FBXL16: variants seen among roughly 807,000 people sequenced by gnomAD.
FBXL16 encodes the protein F-box/LRR-repeat protein 16.
In FBXL16, 7 loss-of-function variants were observed where a neutral mutation model predicts 36.7. The observed-to-expected ratio is 0.19, with a 90% confidence interval of 0.11 to 0.36. FBXL16 has a LOEUF of 0.36. Among genes scored for constraint, FBXL16 ranks in the 10% least tolerant of loss-of-function variants. The pLI is 1.00. For synonymous variants in FBXL16, 355 were observed against 308.7 expected, an observed-to-expected ratio of 1.15 and a Z score of -1.57; for missense variants, 463 against 659.4, an observed-to-expected ratio of 0.70 and a Z score of 3.26.
At chr16:700,365 C>T (rs1286672868) in intron 1 of FBXL16, among the ~76,000 whole-genome samples, 5 of 152,200 alleles carry the variant, frequency 3.3e-5, no homozygotes, top group African/African-American at 1.2e-4. Flanking sequence ...CACCCACAGC[C>T]GGTGACCCCC....
intron 1 of FBXL16, among the ~76,000 whole-genome samples, chr16:703,214 C>A (rs1158084330): frequency 6.6e-6 from 1 of 152,188 alleles, no homozygotes; most frequent in African/African-American, 2.4e-5. Context: ...TGCCCTCATC[C>A]TGCAGGGTCC....
Position 695,397 on chromosome 16 carries a change from C to T in FBXL16, c.1142+18G>A. On this transcript the variant is annotated intron_variant, in intron 3 of 5. Coordinates refer to ENST00000397621, the MANE Select transcript of FBXL16 (RefSeq NM_153350.4). Reference sequence around the variant, plus strand: ...CCGCCCGGCCCAGCCCCGCCCGGCGCGGCCCGGGGGCGCGCACCTGTCGAG... The same window carrying T: ...CCGCCCGGCCCAGCCCCGCCCGGCGTGGCCCGGGGGCGCGCACCTGTCGAG... 6.6e-7 allele frequency: 1 copy of T among 1,509,000 alleles called. No individual in the cohort carries two copies. Among genetic ancestry groups the T allele is most frequent in the Non-Finnish European group, 8.8e-7 (1 of 1,132,018 alleles). 93.5% of individuals were successfully genotyped at this position (1,509,000 alleles called of 1,614,324 possible). A position where few individuals can be genotyped will look rare whatever the true frequency, so the allele number is the denominator to read the frequency against.
intron 1 of FBXL16, among the ~76,000 whole-genome samples, chr16:698,980 T>C (rs2040037091): frequency 6.9e-6 from 1 of 145,304 alleles, no homozygotes; most frequent in Non-Finnish European, 1.5e-5. Flanking sequence ...GAAAAAAGAA[T>C]CCATGCAAAG....
At position 697,929 on chromosome 16, in the gene FBXL16, G is replaced by A. The variant is rs986150385; in HGVS notation, c.-14-510C>T. Among the ~76,000 whole-genome samples, 1 of 151,932 alleles carries A rather than the reference G, an allele frequency of 6.6e-6. No individual in the cohort carries two copies. The highest frequency in any genetic ancestry group is 1.5e-5 in the Non-Finnish European group (1 of 67,972). Reference sequence around the variant, plus strand: ...GCAGGAGAATGACGTGAACCCGGGAGGCGGAGCTTGCAGTGAGCCGAGATT... The same window carrying A: ...GCAGGAGAATGACGTGAACCCGGGAAGCGGAGCTTGCAGTGAGCCGAGATT... On this transcript the variant is annotated intron_variant, in intron 1 of 5. Transcript: ENST00000397621. This position sits in a 1 kb window ranked among gnomAD's most constrained non-coding sequence, Gnocchi z 4.6.
rs141256864 is a variant in FBXL16, at chr16:702,304, C to T, written c.-15+3208G>A. On this transcript the variant is annotated intron_variant, in intron 1 of 5. Coordinates refer to ENST00000397621, the MANE Select transcript of FBXL16 (RefSeq NM_153350.4). ...CCTGGCAGGGTTTCCCTGCCTTAGC[C>T]CTGCAAGCTCTTCTCCTCCATCCCT... Among the ~76,000 whole-genome samples the T allele has an allele frequency of 3.8e-3, 575 of 152,248 alleles. 3 individuals carry two copies. Among genetic ancestry groups the T allele is most frequent in the African/African-American group, 0.013 (535 of 41,516 alleles).
At chr16:695,283 G>T (rs966198924) in intron 3 of FBXL16, 132 bp downstream of exon 3, 1 of 1,178,194 alleles carries the variant, frequency 8.5e-7, no homozygotes, top group Non-Finnish European at 1.1e-6. Context: ...GGCTCCGAGG[G>T]CTCTGCCCGC....
chr16:694,899 C>T lies in FBXL16; in HGVS notation c.1227+93G>A. 2.2e-6 allele frequency: 3 copies of T among 1,380,786 alleles called. No homozygotes were observed. The African/African-American group carries it at 4.4e-5, about 20-fold the overall frequency. 85.5% of individuals were successfully genotyped at this position (1,380,786 alleles called of 1,614,324 possible). A position where few individuals can be genotyped will look rare whatever the true frequency, so the allele number is the denominator to read the frequency against. ...TCGGCTGCTGGATAGGGAGGGGCCC[C>T]AGACTCTCCCAGGATCTGAGTGGGG... On this transcript the variant is annotated intron_variant, in intron 4 of 5. Coordinates refer to ENST00000397621, the MANE Select transcript of FBXL16 (RefSeq NM_153350.4).
In FBXL16 at chr16:695,099, C is replaced by G. The variant is rs780073708; in HGVS notation, c.1143-23G>C. 2.5e-6 allele frequency: 4 copies of G among 1,596,098 alleles called. No individual in the cohort carries two copies. The South Asian group carries it at 3.4e-5, about 14-fold the overall frequency. ...CACCTGTGGTTGCACCAGAGGGGAC[C>G]CCCACCTTCAAATCACCTGGCCCCG... On this transcript the variant is annotated intron_variant, in intron 3 of 5. Coordinates refer to ENST00000397621, the MANE Select transcript of FBXL16 (RefSeq NM_153350.4).
Position 694,135 on chromosome 16 carries a change from T to C in FBXL16, c.*140A>G. On this transcript the variant is annotated 3_prime_UTR_variant, in exon 6 of 6. Transcript: ENST00000397621. The stretch of plus-strand genomic sequence containing the variant: ...CCGAAGGTCGGGGAGGGGCTTTCCC[T>C]CGGCTCGCCCCGCCTCCCGCGCTGG... 1 of 498,500 alleles carries C rather than the reference T, an allele frequency of 2.0e-6. No individual in the cohort carries two copies. The highest frequency in any genetic ancestry group is 1.0e-4 in the South Asian group (1 of 9,768). The allele number at this position is 498,500 out of a possible 1,614,324, so 30.9% of individuals were successfully genotyped here. A position where few individuals can be genotyped will look rare whatever the true frequency, so the allele number is the denominator to read the frequency against.
chr16:694,918 A>G, intron 4 of FBXL16, 74 bp downstream of exon 4: 2 of 1,419,396 alleles, frequency 1.4e-6, no homozygotes, highest in Non-Finnish European at 1.9e-6. Flanking sequence ...CCAGGATCTG[A>G]GTGGGGCCGG....
chr16:705,210 G>A (rs1022337422), intron 1 of FBXL16, among the ~76,000 whole-genome samples: 15 of 152,158 alleles, frequency 9.9e-5, no homozygotes, highest in Non-Finnish European at 1.9e-4. Context: ...GAGGCCGGGG[G>A]CCTACAATTC....
chr16:694,850 C>A, intron 4 of FBXL16, 142 bp downstream of exon 4: 1 of 1,241,766 alleles, frequency 8.1e-7, no homozygotes, highest in Non-Finnish European at 1.1e-6. Context: ...TGGGGGCCGC[C>A]GGGACCCCTG....
At chr16:696,182 G>C (rs932772229) in intron 2 of FBXL16, among the ~76,000 whole-genome samples, 1 of 152,102 alleles carries the variant, frequency 6.6e-6, no homozygotes, top group Non-Finnish European at 1.5e-5. Context: ...TCCTTTCCCA[G>C]CTGCCCCTCA....
intron 2 of FBXL16, 36 bp from the exon 3 acceptor site, chr16:695,959 A>G: frequency 6.5e-7 from 1 of 1,548,674 alleles, no homozygotes; most frequent in South Asian, 1.2e-5. Flanking sequence ...GGATTGCAGG[A>G]GAAGGGGTGG....
chr16:694,566 G>T (rs2039995806), intron 5 of FBXL16, 68 bp downstream of exon 5: 2 of 1,538,026 alleles, frequency 1.3e-6, no homozygotes, highest in East Asian at 2.4e-5. Flanking sequence ...GACCGGGCAG[G>T]TTGGGCGGGT....
chr16:700,445 G>A (rs982701735), intron 1 of FBXL16, among the ~76,000 whole-genome samples: 1 of 152,136 alleles, frequency 6.6e-6, no homozygotes, highest in African/African-American at 2.4e-5. Context: ...GGGCCGGCTG[G>A]GGTCGGCACA....
chr16:696,866 G>A lies in FBXL16; in HGVS notation c.540C>T (p.Asp180=), dbSNP rs1380005611. The A allele has an allele frequency of 6.2e-7, 1 of 1,608,354 alleles. No homozygotes were observed. The highest frequency in any genetic ancestry group is 1.1e-5 in the South Asian group (1 of 90,366). The part of the protein sequence containing the change: ...GFCLVGVSDL[D]ICEFIDNYAL... ...CATAGTTGTCAATGAACTCACAGAT[G>A]TCCAGGTCGGAGACGCCAACCAGGC... Residue 180 remains aspartate, a synonymous_variant, in exon 2 of 6, where the codon GAC becomes GAT. Transcript: ENST00000397621.
chr16:697,464 T>G lies in FBXL16; in HGVS notation c.-14-45A>C. ...GGGGGAGTGAGTCTGTTGCTGAGTCTGGAAGGCCGGGGTTGGGGGCGGGTG... is the reference window on the plus strand; with the variant it reads ...GGGGGAGTGAGTCTGTTGCTGAGTCGGGAAGGCCGGGGTTGGGGGCGGGTG... On this transcript the variant is annotated intron_variant, in intron 1 of 5. Transcript: ENST00000397621. The surrounding 1 kb of genome is among the most constrained non-coding windows in gnomAD (Gnocchi z 4.6). 2 of 1,480,130 alleles carry G rather than the reference T, an allele frequency of 1.4e-6. No individual in the cohort carries two copies. The highest frequency in any genetic ancestry group is 2.5e-5 in the East Asian group (1 of 39,478). The allele number at this position is 1,480,130 out of a possible 1,614,324, so 91.7% of individuals were successfully genotyped here. A position where few individuals can be genotyped will look rare whatever the true frequency, so the allele number is the denominator to read the frequency against.
At chr16:702,530 G>A (rs74002847) in intron 1 of FBXL16, among the ~76,000 whole-genome samples, 4,819 of 152,292 alleles carry the variant, frequency 0.032, 264 homozygotes, top group African/African-American at 0.11. Context: ...ATTAGGGAAC[G>A]AATGAATGAA....
Sources: allele counts gnomAD v4.1 joint callset (sites outside exome capture counted in the v4.1 genomes callset), GRCh38; gene constraint gnomAD v4.1.1; non-coding constraint Gnocchi (gnomAD v3.1); transcripts MANE v1.5; gene names NCBI Gene and HGNC (gene_info 2026-07-23, HGNC 2026-07-21).